EFCAB6: variants seen among roughly 807,000 people sequenced by gnomAD.
EFCAB6 encodes the protein EF-hand calcium-binding domain-containing protein 6.
A neutral mutation model predicts 169.8 loss-of-function variants in EFCAB6; 156 were observed. The ratio of observed to expected loss-of-function variants is 0.92; its 90% CI spans 0.81 to 1.05. EFCAB6 has a LOEUF of 1.05. EFCAB6 is among the 50% of genes least tolerant of loss of function. The pLI is 0.00. For synonymous variants in EFCAB6, 698 were observed against 676.4 expected, an observed-to-expected ratio of 1.03 and a Z score of -0.50; for missense variants, 1,800 against 1,829.1, an observed-to-expected ratio of 0.98 and a Z score of 0.29.
intron 27 of EFCAB6, 96 bp from the exon 28 acceptor site, chr22:43,540,453 G>T: frequency 1.9e-6 from 3 of 1,588,918 alleles, no homozygotes; most frequent in East Asian, 2.3e-5. Context: ...CGGCCTCGCA[G>T]GAGGTGAGCA....
Position 43,608,506 on chromosome 22 carries a change from C to G in EFCAB6, c.2657G>C (p.Arg886Thr). The G allele has an allele frequency of 6.2e-7, 1 of 1,614,192 alleles. No homozygotes were observed. The highest frequency in any genetic ancestry group is 8.5e-7 in the Non-Finnish European group (1 of 1,180,026). ...CCTTGCCCAAAGCTTTTCAAACTCT[C>G]TTGGTGTGAGGGGAATATCAAAACC... is the stretch of plus-strand genomic sequence containing the variant. ...LYGFDIPLTP[R>T]EFEKLWARYD... Residue 886 changes from arginine (R) to threonine (T), a missense_variant, in exon 22 of 32, where the codon AGA becomes ACA. Coordinates refer to ENST00000262726, the MANE Select transcript of EFCAB6 (RefSeq NM_022785.4).
intron 8 of EFCAB6, among the ~76,000 whole-genome samples, chr22:43,728,432 T>C (rs999111945): frequency 6.6e-6 from 1 of 152,248 alleles, no homozygotes; most frequent in African/African-American, 2.4e-5. Context: ...TACCCATTAA[T>C]GGGATTGCTG....
At chr22:43,643,660 A>G (rs1214128412) in intron 17 of EFCAB6, among the ~76,000 whole-genome samples, 6 of 152,150 alleles carry the variant, frequency 3.9e-5, no homozygotes, top group Admixed American at 3.9e-4. Flanking sequence ...CTATCAGTTG[A>G]TCAGCCTGGC....
intron 15 of EFCAB6, among the ~76,000 whole-genome samples, chr22:43,671,368 A>T (rs2057485882): frequency 6.6e-6 from 1 of 152,022 alleles, no homozygotes; most frequent in Admixed American, 6.5e-5. Context: ...TGCCTGGCTT[A>T]ATTTTGTATT....
intron 26 of EFCAB6, among the ~76,000 whole-genome samples, chr22:43,567,312 C>T (rs1029637734): frequency 5.9e-5 from 9 of 152,114 alleles, no homozygotes; most frequent in East Asian, 3.8e-4. Flanking sequence ...AACATTTATG[C>T]CACCCTTCCA....
At chr22:43,805,056 C>T (rs575004855) in intron 2 of EFCAB6, among the ~76,000 whole-genome samples, 1 of 152,182 alleles carries the variant, frequency 6.6e-6, no homozygotes, top group Non-Finnish European at 1.5e-5. Flanking sequence ...AAATTGGTGG[C>T]ATTTATACAT....
intron 4 of EFCAB6, among the ~76,000 whole-genome samples, chr22:43,766,569 A>T (rs2061332568): frequency 6.6e-6 from 1 of 151,542 alleles, no homozygotes; most frequent in Non-Finnish European, 1.5e-5. Flanking sequence ...GGCTGGAGTA[A>T]AGTGGCAGGA....
intron 2 of EFCAB6, among the ~76,000 whole-genome samples, chr22:43,792,486 T>C (rs1248802514): frequency 2.0e-5 from 3 of 152,080 alleles, no homozygotes; most frequent in Admixed American, 1.3e-4. Flanking sequence ...TAAAACAAGA[T>C]TGAAGAAATT....
At chr22:43,647,874 A>C (rs1040962008) in intron 17 of EFCAB6, among the ~76,000 whole-genome samples, 1 of 152,198 alleles carries the variant, frequency 6.6e-6, no homozygotes, top group Non-Finnish European at 1.5e-5. Context: ...GAAACAATGC[A>C]GCGTGCTCCC....
intron 25 of EFCAB6, among the ~76,000 whole-genome samples, chr22:43,578,360 G>C (rs1297580882): frequency 1.3e-5 from 2 of 152,192 alleles, no homozygotes; most frequent in Admixed American, 1.3e-4. Flanking sequence ...CGTTAGAAGG[G>C]ATGTTCACTG....
intron 17 of EFCAB6, among the ~76,000 whole-genome samples, chr22:43,657,654 A>C (rs763784223): frequency 2.6e-5 from 4 of 152,228 alleles, no homozygotes; most frequent in Admixed American, 6.5e-5. Context: ...ATAAAGGCTG[A>C]AAATCAATGG....
At chr22:43,571,909 G>C (rs139323160) in intron 26 of EFCAB6, among the ~76,000 whole-genome samples, 2 of 152,194 alleles carry the variant, frequency 1.3e-5, no homozygotes, top group South Asian at 2.1e-4. Flanking sequence ...GGATTTACTC[G>C]TCCTCCTGGT....
intron 17 of EFCAB6, among the ~76,000 whole-genome samples, chr22:43,663,894 G>A (rs1050739469): frequency 3.9e-5 from 6 of 152,228 alleles, no homozygotes; most frequent in African/African-American, 1.2e-4. Context: ...GGAATTGTGA[G>A]AGAGTAATTT....
At chr22:43,606,131 A>T (rs1383776730) in intron 22 of EFCAB6, among the ~76,000 whole-genome samples, 3 of 152,208 alleles carry the variant, frequency 2.0e-5, no homozygotes, top group Admixed American at 6.5e-5. Context: ...TGGCCTCCAA[A>T]TGTATTCTCT....
At chr22:43,791,036 C>A (rs1434739518) in intron 2 of EFCAB6, among the ~76,000 whole-genome samples, 1 of 152,092 alleles carries the variant, frequency 6.6e-6, no homozygotes, top group African/African-American at 2.4e-5. Flanking sequence ...TGTTGGGTAT[C>A]CAAGTAGATA....
chr22:43,655,121 G>C (rs1199251110), intron 17 of EFCAB6, among the ~76,000 whole-genome samples: 1 of 152,104 alleles, frequency 6.6e-6, no homozygotes, highest in Non-Finnish European at 1.5e-5. Flanking sequence ...GCTGGGCGTG[G>C]TGGCAGGCAC....
chr22:43,757,373 C>T (rs1034077426), intron 5 of EFCAB6, among the ~76,000 whole-genome samples: 6 of 152,046 alleles, frequency 3.9e-5, no homozygotes, highest in African/African-American at 1.2e-4. Context: ...CATGGAGAAA[C>T]CCCATCTCTA....
intron 20 of EFCAB6, among the ~76,000 whole-genome samples, chr22:43,619,900 T>A (rs2054003004): frequency 6.6e-6 from 1 of 151,602 alleles, no homozygotes; most frequent in Non-Finnish European, 1.5e-5. Context: ...GCTCAGTAAA[T>A]CCAAAAATAG....
intron 2 of EFCAB6, chr22:43,802,557 T>C (rs1237656529): frequency 8.4e-6 from 3 of 357,898 alleles, no homozygotes; most frequent in Non-Finnish European, 1.6e-5. Context: ...AAAACCAAGA[T>C]GAAGGACAAA....
Sources: gnomAD v4.1 joint callset for allele counts (sites outside exome capture counted in the v4.1 genomes callset) on GRCh38, gnomAD v4.1.1 for gene constraint, MANE v1.5 for transcripts, NCBI Gene and HGNC (gene_info 2026-07-23, HGNC 2026-07-21) for gene names.